LRBA: variants seen among roughly 807,000 people sequenced by gnomAD.
The protein encoded by LRBA is LPS responsive beige-like anchor protein.
A neutral mutation model predicts 330.0 loss-of-function variants in LRBA; 176 were observed. The ratio of observed to expected loss-of-function variants is 0.53; its 90% confidence interval spans 0.47 to 0.60. LRBA has a LOEUF of 0.60. Among genes scored for constraint, LRBA ranks in the 20% least tolerant of loss-of-function variants. The pLI, the probability that LRBA is intolerant of heterozygous loss-of-function variation, is 0.00. For synonymous variants in LRBA, 1,230 were observed against 1,193.0 expected (o/e 1.03, Z -0.64); for missense variants, 3,259 against 3,444.8 (o/e 0.95, Z 1.35).
At chr4:150,674,073 C>T (rs1782312799) in intron 37 of LRBA, among the ~76,000 whole-genome samples, 1 of 152,046 alleles carries the variant, frequency 6.6e-6, no homozygotes, top group African/African-American at 2.4e-5. Flanking sequence ...GTAAGAAACC[C>T]ATGAGCTTTC....
intron 23 of LRBA, 32 bp from the exon 24 acceptor site, chr4:150,850,934 G>A: frequency 1.3e-6 from 2 of 1,511,082 alleles, no homozygotes; most frequent in East Asian, 2.3e-5. Context: ...TAATAAAATA[G>A]GTTCAACTTC....
intron 37 of LRBA, among the ~76,000 whole-genome samples, chr4:150,606,352 C>T (rs56112233): frequency 5.9e-5 from 9 of 152,086 alleles, no homozygotes; most frequent in Non-Finnish European, 1.2e-4. Flanking sequence ...AGCCTTAAAG[C>T]TCACCTCAGC....
chr4:150,915,225 TAAC>T (rs550878767), intron 8 of LRBA, among the ~76,000 whole-genome samples: 52 of 152,246 alleles, frequency 3.4e-4, no homozygotes, highest in African/African-American at 8.9e-4. Flanking sequence ...CTGTAAACGT[TAAC>T]AACATACTAG....
At chr4:150,381,651 C>A (rs1447530960) in intron 47 of LRBA, among the ~76,000 whole-genome samples, 1 of 150,904 alleles carries the variant, frequency 6.6e-6, no homozygotes, top group Non-Finnish European at 1.5e-5. Context: ...ACTAATGCTG[C>A]TATAAACATT....
intron 5 of LRBA, among the ~76,000 whole-genome samples, 167 bp downstream of exon 5, chr4:150,921,031 A>G (rs899702491): frequency 1.3e-5 from 2 of 152,216 alleles, no homozygotes; most frequent in African/African-American, 4.8e-5. Flanking sequence ...CTTCACCTCT[A>G]AAGCAATTAC....
intron 40 of LRBA, among the ~76,000 whole-genome samples, chr4:150,538,326 C>T (rs1472438917): frequency 6.6e-6 from 1 of 152,166 alleles, no homozygotes. Context: ...ACCAAAAAGA[C>T]ACATGCACTG....
intron 22 of LRBA, among the ~76,000 whole-genome samples, chr4:150,857,367 C>G (rs927436887): frequency 2.6e-5 from 4 of 152,000 alleles, no homozygotes; most frequent in Admixed American, 2.6e-4. Flanking sequence ...TAGTACAATC[C>G]CCATTTATAA....
At chr4:150,496,692 T>C (rs551171739) in intron 40 of LRBA, among the ~76,000 whole-genome samples, 1 of 152,242 alleles carries the variant, frequency 6.6e-6, no homozygotes, top group Non-Finnish European at 1.5e-5. Context: ...ATGCCAAATA[T>C]TTCCCAAATT....
At chr4:150,863,731 T>C (rs951158598) in intron 22 of LRBA, among the ~76,000 whole-genome samples, 1 of 152,188 alleles carries the variant, frequency 6.6e-6, no homozygotes, top group Non-Finnish European at 1.5e-5. Context: ...CATTCTTTCA[T>C]TACTTACACA....
Position 150,487,754 on chromosome 4 carries a change from T to C in LRBA, c.6529A>G (p.Ser2177Gly). 6.3e-7 allele frequency: 1 copy of C among 1,598,948 alleles called. No homozygotes were observed. The highest frequency in any genetic ancestry group is 8.6e-7 in the Non-Finnish European group (1 of 1,169,374). ...TACCTGGTTTGAGGCAATCCAAAAC[T>C]TGTTCCAACGCCAACACGAGGTAGA... ...NYLPRVGVGT[S>G]FGLPQTRRIS... The change falls in exon 42 of 57, where the codon AGT (serine) becomes GGT (glycine). Residue 2177 changes from serine (S) to glycine (G), a missense_variant. Transcript: ENST00000651943.
At chr4:150,919,832 T>A (rs1168936198) in intron 5 of LRBA, among the ~76,000 whole-genome samples, 4 of 152,246 alleles carry the variant, frequency 2.6e-5, no homozygotes, top group Non-Finnish European at 4.4e-5. Context: ...TTTCAAAAGC[T>A]GTTCAGCTCA....
intron 36 of LRBA, among the ~76,000 whole-genome samples, chr4:150,701,311 T>A (rs574819599): frequency 2.0e-5 from 3 of 152,310 alleles, no homozygotes; most frequent in Admixed American, 2.0e-4. Context: ...CATTTTTTTT[T>A]AATAAGTAAA....
rs377051616 is a variant in LRBA, at chr4:150,490,988, C to A, written c.6378G>T (p.Glu2126Asp). 55 of 1,609,002 alleles carry A rather than the reference C, an allele frequency of 3.4e-5. No homozygotes were observed. Among genetic ancestry groups the A allele is most frequent in the Non-Finnish European group, 4.6e-5 (54 of 1,176,732 alleles). ...AACGACGAGAAAAGATTGATCGTAT[C>A]TCTGTGAACAGCCATTTTCCATGCA... ...EGLHGKWLFTEIRSIFSRRYL... is the reference protein window; with the variant it reads ...EGLHGKWLFTDIRSIFSRRYL... Residue 2126 changes from glutamate to aspartate, a missense_variant, in exon 41 of 57, where the codon GAG becomes GAT. Glu to Asp is a conservative substitution (Grantham distance 45). Coordinates refer to ENST00000651943, the MANE Select transcript of LRBA (RefSeq NM_001364905.1).
intron 36 of LRBA, among the ~76,000 whole-genome samples, chr4:150,727,752 T>C (rs2127110800): frequency 6.6e-6 from 1 of 151,664 alleles, no homozygotes; most frequent in Non-Finnish European, 1.5e-5. Context: ...TAAATGCCCG[T>C]GTCAAAAAAA....
At chr4:150,555,411 C>G (rs1767165959) in intron 40 of LRBA, among the ~76,000 whole-genome samples, 1 of 152,146 alleles carries the variant, frequency 6.6e-6, no homozygotes, top group African/African-American at 2.4e-5. Context: ...ATAAACGACA[C>G]TACTATGCTA....
At chr4:150,487,681 A>G (rs374177346) in intron 42 of LRBA, 51 bp downstream of exon 42, 547 of 970,984 alleles carry the variant, frequency 5.6e-4, no homozygotes, top group Non-Finnish European at 7.8e-4. Flanking sequence ...GTTAATTATT[A>G]TAACTATTAA....
chr4:150,811,438 A>G (rs1273784427), intron 31 of LRBA, among the ~76,000 whole-genome samples: 6 of 152,090 alleles, frequency 3.9e-5, no homozygotes, highest in African/African-American at 9.6e-5. Flanking sequence ...AAAAAAAAAA[A>G]AAGGGGGTGT....
At chr4:150,356,858 A>G (rs1343633513) in intron 47 of LRBA, among the ~76,000 whole-genome samples, 3 of 151,976 alleles carry the variant, frequency 2.0e-5, no homozygotes, top group Non-Finnish European at 2.9e-5. Context: ...ATATAATGTG[A>G]AACAAGCTTT....
chr4:150,344,590 C>T (rs1736023990), intron 48 of LRBA, among the ~76,000 whole-genome samples: 1 of 152,194 alleles, frequency 6.6e-6, no homozygotes, highest in African/African-American at 2.4e-5. Context: ...AAGATAGGGT[C>T]TTACTCTGTC....
Sources: gnomAD v4.1 joint callset for allele counts (sites outside exome capture counted in the v4.1 genomes callset) on GRCh38, gnomAD v4.1.1 for gene constraint, MANE v1.5 for transcripts, NCBI Gene and HGNC (gene_info 2026-07-23, HGNC 2026-07-21) for gene names.